TSPAN9: variants seen among roughly 807,000 people sequenced by gnomAD.
TSPAN9 encodes tetraspanin 9, also known as tetraspanin-9.
A neutral mutation model predicts 31.0 loss-of-function variants in TSPAN9; 16 were observed. The ratio of observed to expected loss-of-function variants is 0.52; its 90% CI spans 0.35 to 0.78. The LOEUF is 0.78. TSPAN9 is among the 30% of genes least tolerant of loss of function. The pLI, the probability that TSPAN9 is intolerant of heterozygous loss-of-function variation, is 0.01. For synonymous variants in TSPAN9, 145 were observed against 121.6 expected (o/e 1.19, Z -1.27); for missense variants, 272 against 312.5 (o/e 0.87, Z 0.98).
Position 3,192,870 on chromosome 12 carries a change from T to G in TSPAN9, c.-17-8307T>G, listed in dbSNP as rs531918263. On this transcript the variant is annotated intron_variant, in intron 2 of 8. Coordinates refer to ENST00000011898, the MANE Select transcript of TSPAN9 (RefSeq NM_006675.5). The surrounding 1 kb of genome is among the most constrained non-coding windows in gnomAD (Gnocchi z 4.6). The stretch of plus-strand genomic sequence containing the variant: ...AACATTAGCTATTGATGATGTTTCT[T>G]TCTCTGTTCAGCTACACTGTAGCTA... Among the ~76,000 whole-genome samples, 1 of 152,342 alleles carries G rather than the reference T, an allele frequency of 6.6e-6. No homozygotes were observed. The highest frequency in any genetic ancestry group is 2.1e-4 in the South Asian group (1 of 4,824).
chr12:3,102,112 C>G (rs2098312110), intron 2 of TSPAN9, among the ~76,000 whole-genome samples: 1 of 151,854 alleles, frequency 6.6e-6, no homozygotes, highest in African/African-American at 2.4e-5. Flanking sequence ...TGCTCTTTCC[C>G]CCTGCCTTTT....
intron 2 of TSPAN9, among the ~76,000 whole-genome samples, chr12:3,122,316 A>G (rs1252062190): frequency 3.5e-5 from 5 of 143,898 alleles, no homozygotes; most frequent in African/African-American, 1.0e-4. Context: ...GTGAGACTCT[A>G]TCTCAAAAAA....
intron 3 of TSPAN9, among the ~76,000 whole-genome samples, chr12:3,217,704 C>A (rs181540297): frequency 4.6e-5 from 7 of 151,812 alleles, no homozygotes; most frequent in Admixed American, 3.3e-4. Context: ...GCCTGCATCC[C>A]TTCACCCCTT....
At chr12:3,153,978 C>T (rs1330475865) in intron 2 of TSPAN9, among the ~76,000 whole-genome samples, 2 of 138,934 alleles carry the variant, frequency 1.4e-5, no homozygotes, top group African/African-American at 5.5e-5. Context: ...AGAAACTGCA[C>T]TAATACATTA....
At chr12:3,185,613 G>T (rs1178035741) in intron 2 of TSPAN9, among the ~76,000 whole-genome samples, 2 of 152,174 alleles carry the variant, frequency 1.3e-5, no homozygotes, top group Admixed American at 6.5e-5. Flanking sequence ...CCTCCACCCC[G>T]GCTGCCAGCC....
chr12:3,269,846 C>A (rs1862640269), intron 3 of TSPAN9, among the ~76,000 whole-genome samples: 1 of 152,242 alleles, frequency 6.6e-6, no homozygotes, highest in Non-Finnish European at 1.5e-5. Context: ...TGGGAAGAGC[C>A]CCTGGCCCCA....
chr12:3,088,454 G>C (rs908649811), intron 2 of TSPAN9, among the ~76,000 whole-genome samples: 2 of 152,204 alleles, frequency 1.3e-5, no homozygotes, highest in South Asian at 2.1e-4. Context: ...GGTGGGGCTG[G>C]GGGGGAAGCT....
At chr12:3,081,809 TG>T (rs1367537373) in intron 1 of TSPAN9, among the ~76,000 whole-genome samples, 2 of 17,074 alleles carry the variant, frequency 1.2e-4, no homozygotes, top group South Asian at 2.0e-3. Flanking sequence ...TCTAAAAAAT[TG>T]TGTGTGTGTG....
Position 3,283,121 on chromosome 12 carries a change from G to T in TSPAN9, c.*5G>T. 1 of 1,607,470 alleles carries T rather than the reference G, an allele frequency of 6.2e-7. No individual in the cohort carries two copies. Among genetic ancestry groups the T allele is most frequent in the Non-Finnish European group, 8.5e-7 (1 of 1,179,898 alleles). ...GGTAAGAAGTACGACGCATGAGCGG[G>T]CTGGCCGGGAGTGCCCACCCCGCCC... On this transcript the variant is annotated 3_prime_UTR_variant, in exon 9 of 9. Transcript: ENST00000011898.
intron 3 of TSPAN9, among the ~76,000 whole-genome samples, chr12:3,256,542 C>G (rs114377171): frequency 0.018 from 2,782 of 152,262 alleles, 82 homozygotes; most frequent in African/African-American, 0.063. Context: ...GCGTAATCGT[C>G]GATTTCGGGA....
chr12:3,194,377 AC>A (rs1449758207), intron 2 of TSPAN9, among the ~76,000 whole-genome samples: 1 of 151,904 alleles, frequency 6.6e-6, no homozygotes, highest in Admixed American at 6.6e-5. Flanking sequence ...CCAAAGCCAA[AC>A]CCTGCTTGTT....
rs1450388719 is a variant in TSPAN9, at chr12:3,285,919, C to G, written c.*2803C>G. ...TGGAAGCAGGTGTCACGGTGCAAGT[C>G]TCCCCCTGCACCCCTCCCCCAGCTT... is the stretch of plus-strand genomic sequence containing the variant. On this transcript the variant is annotated 3_prime_UTR_variant, in exon 9 of 9. Coordinates refer to ENST00000011898, the MANE Select transcript of TSPAN9 (RefSeq NM_006675.5). 6.6e-6 allele frequency: 1 copy of G among 152,326 alleles called. No homozygotes were observed. Among genetic ancestry groups the G allele is most frequent in the South Asian group, 2.1e-4 (1 of 4,828 alleles). 9.4% of individuals were successfully genotyped at this position (152,326 alleles called of 1,614,324 possible). A position where few individuals can be genotyped will look rare whatever the true frequency, so the allele number is the denominator to read the frequency against.
intron 2 of TSPAN9, among the ~76,000 whole-genome samples, chr12:3,164,497 C>A (rs910999677): frequency 6.6e-6 from 1 of 152,224 alleles, no homozygotes; most frequent in Non-Finnish European, 1.5e-5. Context: ...TACTCTCTGG[C>A]TGTTTCTTCT....
chr12:3,211,666 G>A, intron 3 of TSPAN9: 1 of 1,498,016 alleles, frequency 6.7e-7, no homozygotes. Context: ...AGTGCTTTTA[G>A]TGCTGCTTCC....
At chr12:3,235,264 ATATATAT>A (rs1187540519) in intron 3 of TSPAN9, among the ~76,000 whole-genome samples, 2 of 91,446 alleles carry the variant, frequency 2.2e-5, no homozygotes, top group Non-Finnish European at 4.1e-5. Context: ...ATATATATAT[ATATATAT>A]GTAAGTGAAT....
intron 3 of TSPAN9, among the ~76,000 whole-genome samples, chr12:3,212,097 G>A (rs556768630): frequency 4.6e-5 from 7 of 152,002 alleles, no homozygotes; most frequent in African/African-American, 1.7e-4. Flanking sequence ...TCAGCCTCCC[G>A]AGTAGCTGGG....
intron 3 of TSPAN9, among the ~76,000 whole-genome samples, chr12:3,244,220 C>T (rs1484643806): frequency 1.3e-5 from 2 of 152,208 alleles, no homozygotes; most frequent in African/African-American, 2.4e-5. Context: ...CTCTTGTCCC[C>T]TCCCCAAGAG....
At chr12:3,167,867 C>G (rs2098349379) in intron 2 of TSPAN9, among the ~76,000 whole-genome samples, 1 of 152,186 alleles carries the variant, frequency 6.6e-6, no homozygotes, top group Non-Finnish European at 1.5e-5. Context: ...ACCACACCTG[C>G]AGAGTTCCCA....
At chr12:3,175,101 A>AC (rs950983124) in intron 2 of TSPAN9, among the ~76,000 whole-genome samples, 6 of 150,450 alleles carry the variant, frequency 4.0e-5, no homozygotes, top group African/African-American at 1.5e-4. Context: ...TGTGCACACG[A>AC]CCCCTGCAGG....
Sources: gnomAD v4.1 joint callset for allele counts (sites outside exome capture counted in the v4.1 genomes callset) on GRCh38, gnomAD v4.1.1 for gene constraint, Gnocchi (gnomAD v3.1) non-coding constraint, MANE v1.5 for transcripts, NCBI Gene and HGNC (gene_info 2026-07-23, HGNC 2026-07-21) for gene names.